The following RHOJ variants were observed in gnomAD, a reference collection of about 807,000 sequenced individuals.
RHOJ encodes the protein ras homolog family member J.
RHOJ carries 11 observed loss-of-function variants against 23.4 expected under a neutral mutation model. The observed-to-expected ratio is 0.47, with a 90% confidence interval of 0.30 to 0.78. The LOEUF (loss-of-function observed/expected upper bound fraction) is 0.78, where lower values mean the gene tolerates loss of function less well. Ranked by LOEUF, RHOJ falls within the 30% of genes least tolerant of loss-of-function variation. RHOJ has a pLI of 0.08. For synonymous variants in RHOJ, 102 were observed against 102.7 expected, an observed-to-expected ratio of 0.99 and a Z score of 0.04; for missense variants, 254 against 273.4, an observed-to-expected ratio of 0.93 and a Z score of 0.50.
chr14:63,236,634 A>T (rs1053028891), intron 1 of RHOJ, among the ~76,000 whole-genome samples: 1 of 152,098 alleles, frequency 6.6e-6, no homozygotes, highest in African/African-American at 2.4e-5. Context: ...TCAAAATGAG[A>T]TTTAGGTGAG....
intron 1 of RHOJ, among the ~76,000 whole-genome samples, chr14:63,256,638 C>T (rs1272984738): frequency 1.3e-5 from 2 of 152,150 alleles, no homozygotes; most frequent in Non-Finnish European, 2.9e-5. Context: ...TAGGCTGGAC[C>T]GAAGTGACAA....
chr14:63,208,826 T>C (rs1894170435), intron 1 of RHOJ, among the ~76,000 whole-genome samples: 1 of 152,194 alleles, frequency 6.6e-6, no homozygotes, highest in African/African-American at 2.4e-5. Context: ...ATCAAAACCC[T>C]CTGAGACTCA....
chr14:63,222,875 G>T (rs911220569), intron 1 of RHOJ, among the ~76,000 whole-genome samples: 1 of 152,116 alleles, frequency 6.6e-6, no homozygotes, highest in Non-Finnish European at 1.5e-5. Flanking sequence ...ATTGCTTTTG[G>T]TGTTTTAGAC....
intron 1 of RHOJ, among the ~76,000 whole-genome samples, chr14:63,214,018 C>T (rs1440683842): frequency 6.6e-6 from 1 of 152,196 alleles, no homozygotes; most frequent in East Asian, 1.9e-4. Flanking sequence ...TCATCTTCAC[C>T]ACAGTCATTA....
chr14:63,292,023 A>G lies in RHOJ; in HGVS notation c.*999A>G, dbSNP rs1444150474. ...ATGCCCGGATCCTTTTATTCTCCCC[A>G]GTTATAACCCAGTTATAAAAGAAAG... On this transcript the variant is annotated 3_prime_UTR_variant, in exon 5 of 5. Coordinates refer to ENST00000316754, the MANE Select transcript of RHOJ (RefSeq NM_020663.5). 6.6e-6 allele frequency: 1 copy of G among 152,128 alleles called. No individual in the cohort carries two copies. The highest frequency in any genetic ancestry group is 2.1e-4 in the South Asian group (1 of 4,828). 9.4% of individuals were successfully genotyped at this position (152,128 alleles called of 1,614,324 possible).
intron 1 of RHOJ, among the ~76,000 whole-genome samples, chr14:63,243,061 C>T (rs1430000335): frequency 6.6e-6 from 1 of 152,142 alleles, no homozygotes; most frequent in African/African-American, 2.4e-5. Context: ...GCGGTACTTG[C>T]ACCTTCTCAT....
intron 4 of RHOJ, among the ~76,000 whole-genome samples, chr14:63,283,937 A>G (rs1294383964): frequency 6.6e-6 from 1 of 152,134 alleles, no homozygotes; most frequent in East Asian, 1.9e-4. Flanking sequence ...CCACTGAAAA[A>G]TATTCGAGAG....
Position 63,250,209 on chromosome 14 carries a change from A to G in RHOJ, c.179-18901A>G, listed in dbSNP as rs1895044983. 1.3e-5 allele frequency among the ~76,000 whole-genome samples: 2 copies of G among 151,850 alleles called. 1 individual carries two copies. The highest frequency in any genetic ancestry group is 4.2e-4 in the South Asian group (2 of 4,804). On this transcript the variant is annotated intron_variant, in intron 1 of 4. Transcript: ENST00000316754. The stretch of plus-strand genomic sequence containing the variant: ...CATTATCTGCTTACTCCCCTCATTC[A>G]CTACACTCCAGCCATATTGACCTTT...
At chr14:63,256,678 G>A (rs117924373) in intron 1 of RHOJ, among the ~76,000 whole-genome samples, 8,269 of 152,258 alleles carry the variant, frequency 0.054, 281 homozygotes, top group East Asian at 0.13. Context: ...AGTAGCTCAC[G>A]CCTGTAATCC....
intron 1 of RHOJ, among the ~76,000 whole-genome samples, chr14:63,263,672 C>G (rs917389330): frequency 2.0e-5 from 3 of 152,206 alleles, no homozygotes; most frequent in African/African-American, 7.2e-5. Flanking sequence ...GGCTTCCACA[C>G]CCATAATGGC....
chr14:63,243,737 A>G (rs1894926404), intron 1 of RHOJ, among the ~76,000 whole-genome samples: 1 of 152,340 alleles, frequency 6.6e-6, no homozygotes, highest in Non-Finnish European at 1.5e-5. Flanking sequence ...AAGCATTGCC[A>G]TGAAACAACT....
chr14:63,281,197 C>G (rs190743381), intron 3 of RHOJ, 62 bp downstream of exon 3: 938 of 1,481,764 alleles, frequency 6.3e-4, no homozygotes, highest in Non-Finnish European at 8.2e-4. Flanking sequence ...CCTTTAGGTA[C>G]CTCGTGAACA....
intron 1 of RHOJ, among the ~76,000 whole-genome samples, chr14:63,227,393 T>C (rs989628272): frequency 6.6e-6 from 1 of 152,222 alleles, no homozygotes; most frequent in Non-Finnish European, 1.5e-5. Context: ...TAAATGTTTC[T>C]TAAGGACACC....
chr14:63,214,474 G>A (rs1894308364), intron 1 of RHOJ, among the ~76,000 whole-genome samples: 1 of 152,142 alleles, frequency 6.6e-6, no homozygotes, highest in African/African-American at 2.4e-5. Flanking sequence ...AAACAGATAT[G>A]CATGTAAAAT....
At chr14:63,254,760 C>T (rs550734452) in intron 1 of RHOJ, among the ~76,000 whole-genome samples, 31 of 152,260 alleles carry the variant, frequency 2.0e-4, no homozygotes, top group Admixed American at 2.0e-3. Flanking sequence ...CCCACACAGG[C>T]TGCCATGGTA....
At chr14:63,277,481 G>A (rs1253489815) in intron 2 of RHOJ, among the ~76,000 whole-genome samples, 11 of 152,132 alleles carry the variant, frequency 7.2e-5, no homozygotes, top group Admixed American at 7.2e-4. Flanking sequence ...GTAGAAAAGG[G>A]GGTGGAGCAA....
intron 1 of RHOJ, among the ~76,000 whole-genome samples, chr14:63,256,015 C>T (rs1238999643): frequency 2.0e-5 from 3 of 152,092 alleles, no homozygotes; most frequent in Non-Finnish European, 2.9e-5. Flanking sequence ...AGTACAGGCA[C>T]GTGCCACCTG....
Position 63,292,803 on chromosome 14 carries a change from TA to T in RHOJ, c.*1780del, listed in dbSNP as rs1205638792. 6.6e-6 allele frequency: 1 copy of T among 152,052 alleles called. No individual in the cohort carries two copies. The highest frequency in any genetic ancestry group is 2.4e-5 in the African/African-American group (1 of 41,354). The allele number at this position is 152,052 out of a possible 1,614,324, so 9.4% of individuals were successfully genotyped here. A position where few individuals can be genotyped will look rare whatever the true frequency, so the allele number is the denominator to read the frequency against. On this transcript the variant is annotated 3_prime_UTR_variant, in exon 5 of 5. Coordinates refer to ENST00000316754, the MANE Select transcript of RHOJ (RefSeq NM_020663.5). ...GTGTCTCTATAAAAAAATTAAAAAT[TA>T]GTCAGTTGTAGTGACACATACCTGT...
At chr14:63,216,836 A>G (rs984643261) in intron 1 of RHOJ, among the ~76,000 whole-genome samples, 1 of 152,216 alleles carries the variant, frequency 6.6e-6, no homozygotes, top group African/African-American at 2.4e-5. Flanking sequence ...TAGCCTCTTA[A>G]TAAGTCTCCA....
Sources: gnomAD v4.1 joint callset for allele counts (sites outside exome capture counted in the v4.1 genomes callset) on GRCh38, gnomAD v4.1.1 for gene constraint, MANE v1.5 for transcripts, NCBI Gene and HGNC (gene_info 2026-07-23, HGNC 2026-07-21) for gene names.